The following PNLIPRP3 variants were observed in gnomAD, a reference collection of about 807,000 sequenced individuals.
PNLIPRP3 encodes pancreatic lipase-related protein 3.
In PNLIPRP3, 58 loss-of-function variants were observed where a neutral mutation model predicts 52.8. The observed-to-expected ratio is 1.10, with a 90% confidence interval of 0.89 to 1.37. The LOEUF (loss-of-function observed/expected upper bound fraction) is 1.37. Ranked by LOEUF, PNLIPRP3 falls within the 40% of genes most tolerant of loss-of-function variation. The pLI, the probability that PNLIPRP3 is intolerant of heterozygous loss-of-function variation, is 0.00. For synonymous variants in PNLIPRP3, 192 were observed against 185.0 expected, an observed-to-expected ratio of 1.04 and a Z score of -0.31; for missense variants, 593 against 561.6, an observed-to-expected ratio of 1.06 and a Z score of -0.57.
At chr10:116,439,940 C>G (rs1419942611) in intron 2 of PNLIPRP3, 1 of 867,232 alleles carries the variant, frequency 1.2e-6, no homozygotes, top group African/African-American at 1.6e-5. Flanking sequence ...GCAAAATTGA[C>G]AGGGACCTCT....
intron 1 of PNLIPRP3, 65 bp from the exon 2 acceptor site, chr10:116,436,646 G>T: frequency 2.8e-6 from 4 of 1,424,960 alleles, no homozygotes; most frequent in Non-Finnish European, 3.8e-6. Flanking sequence ...TTAACTCATA[G>T]TGAGAAACAC....
intron 4 of PNLIPRP3, among the ~76,000 whole-genome samples, chr10:116,450,276 A>G (rs1051937646): frequency 2.6e-5 from 4 of 152,154 alleles, no homozygotes; most frequent in Non-Finnish European, 4.4e-5. Context: ...ACATTATGAG[A>G]TTTATGCATG....
chr10:116,468,805 T>A (rs965085828), intron 8 of PNLIPRP3, among the ~76,000 whole-genome samples: 2 of 152,224 alleles, frequency 1.3e-5, no homozygotes, highest in African/African-American at 4.8e-5. Flanking sequence ...ATTCCCCTAT[T>A]ACACGTATTC....
intron 1 of PNLIPRP3, among the ~76,000 whole-genome samples, chr10:116,428,436 G>A (rs1845667297): frequency 6.6e-6 from 1 of 152,068 alleles, no homozygotes; most frequent in African/African-American, 2.4e-5. Context: ...TTTCTAAGAA[G>A]GGTACATAGT....
At chr10:116,448,489 A>G (rs532326682) in intron 4 of PNLIPRP3, among the ~76,000 whole-genome samples, 1 of 114,610 alleles carries the variant, frequency 8.7e-6, no homozygotes, top group Admixed American at 1.1e-4. Context: ...ACAAAGGAAG[A>G]CAACAAGAGA....
At chr10:116,460,928 C>T in intron 5 of PNLIPRP3, 38 bp from the exon 6 acceptor site, 2 of 1,601,736 alleles carry the variant, frequency 1.2e-6, no homozygotes, top group Middle Eastern at 1.7e-4. Flanking sequence ...TATTAATGTG[C>T]ACTTCCATAG....
intron 11 of PNLIPRP3, 103 bp from the exon 12 acceptor site, chr10:116,476,987 G>T: frequency 8.3e-7 from 1 of 1,204,304 alleles, no homozygotes; most frequent in Non-Finnish European, 1.2e-6. Flanking sequence ...GTGCAGAAGT[G>T]TTAGAAAATA....
intron 2 of PNLIPRP3, among the ~76,000 whole-genome samples, chr10:116,440,271 C>T (rs532633787): frequency 1.8e-4 from 28 of 152,152 alleles, no homozygotes; most frequent in African/African-American, 2.6e-4. Flanking sequence ...CTGTGGAGCA[C>T]GGTCAGTAAA....
intron 2 of PNLIPRP3, 120 bp downstream of exon 2, chr10:116,436,985 A>G: frequency 1.9e-6 from 2 of 1,045,956 alleles, no homozygotes; most frequent in South Asian, 2.5e-5. Context: ...AAATGCAAAC[A>G]TTTCTTTTCA....
At chr10:116,442,213 A>G (rs1213257214) in intron 2 of PNLIPRP3, among the ~76,000 whole-genome samples, 2 of 152,188 alleles carry the variant, frequency 1.3e-5, no homozygotes, top group Non-Finnish European at 2.9e-5. Context: ...AGTCTCCTAA[A>G]GTCTTTGAGA....
chr10:116,448,790 C>T (rs925220634), intron 4 of PNLIPRP3, among the ~76,000 whole-genome samples: 9 of 151,964 alleles, frequency 5.9e-5, no homozygotes, highest in East Asian at 1.9e-4. Context: ...CCGAGGCAGG[C>T]GGATCACTTG....
chr10:116,449,577 C>T (rs1262989132), intron 4 of PNLIPRP3, among the ~76,000 whole-genome samples: 1 of 152,012 alleles, frequency 6.6e-6, no homozygotes, highest in East Asian at 1.9e-4. Flanking sequence ...ACCAGAGTAC[C>T]TAAATATATA....
rs1239979458 is a variant in PNLIPRP3 at position 116,466,257 on chromosome 10, A to C, written c.927+89A>C. 3 of 962,256 alleles carry C rather than the reference A, an allele frequency of 3.1e-6. No individual in the cohort carries two copies. In the African/African-American group the frequency reaches 5.0e-5, roughly 16 times the overall value. The allele number at this position is 962,256 out of a possible 1,614,324, so 59.6% of individuals were successfully genotyped here. Reference sequence around the variant, plus strand: ...CTAAACATTAGGGCTTTGTGTAGGTAGCAAAAAAAATGCACCTGCCATTTT... The same window carrying C: ...CTAAACATTAGGGCTTTGTGTAGGTCGCAAAAAAAATGCACCTGCCATTTT... On this transcript the variant is annotated intron_variant, in intron 8 of 11. Coordinates refer to ENST00000369230, the MANE Select transcript of PNLIPRP3 (RefSeq NM_001011709.3).
At chr10:116,443,528 A>C (rs1845887256) in intron 3 of PNLIPRP3, among the ~76,000 whole-genome samples, 1 of 151,184 alleles carries the variant, frequency 6.6e-6, no homozygotes. Context: ...TGCTAACATC[A>C]TAAGCAGTTA....
chr10:116,467,253 G>C (rs67933372), intron 8 of PNLIPRP3, among the ~76,000 whole-genome samples: 10,708 of 152,220 alleles, frequency 0.07, 503 homozygotes, highest in East Asian at 0.25. Flanking sequence ...GTCAGAGCCA[G>C]CTGTGGCATG....
intron 4 of PNLIPRP3, 99 bp downstream of exon 4, chr10:116,444,612 C>T (rs947815309): frequency 8.3e-7 from 1 of 1,206,928 alleles, no homozygotes; most frequent in Non-Finnish European, 1.2e-6. Flanking sequence ...TTAGCTTAGA[C>T]AGGTACTGAA....
chr10:116,461,463 C>T (rs571942188), intron 7 of PNLIPRP3, among the ~76,000 whole-genome samples, 173 bp downstream of exon 7: 3 of 152,252 alleles, frequency 2.0e-5, no homozygotes, highest in South Asian at 2.1e-4. Flanking sequence ...GATCGGGTAC[C>T]GTGTCTTCAT....
At chr10:116,430,348 G>T (rs940567462) in intron 1 of PNLIPRP3, among the ~76,000 whole-genome samples, 5 of 152,196 alleles carry the variant, frequency 3.3e-5, no homozygotes, top group Non-Finnish European at 5.9e-5. Context: ...AGGAGTCTGG[G>T]AAAATGAAGG....
In PNLIPRP3 at chr10:116,471,962, G is replaced by T. The variant is rs1846380780; in HGVS notation, c.1172+83G>T. Reference sequence around the variant, plus strand: ...TGAGACTGGCTCAGTAAGCTGTTTAGTCTTCTCTTTTCCTACAATTCCACA... The same window carrying T: ...TGAGACTGGCTCAGTAAGCTGTTTATTCTTCTCTTTTCCTACAATTCCACA... On this transcript the variant is annotated intron_variant, in intron 10 of 11. Coordinates refer to ENST00000369230, the MANE Select transcript of PNLIPRP3 (RefSeq NM_001011709.3). 9.0e-6 allele frequency: 7 copies of T among 781,094 alleles called. No homozygotes were observed. In the South Asian group the frequency reaches 1.4e-4, roughly 15 times the overall value. The allele number at this position is 781,094 out of a possible 1,614,324, so 48.4% of individuals were successfully genotyped here.
Sources: gnomAD v4.1 joint callset for allele counts (sites outside exome capture counted in the v4.1 genomes callset) on GRCh38, gnomAD v4.1.1 for gene constraint, MANE v1.5 for transcripts, NCBI Gene and HGNC (gene_info 2026-07-23, HGNC 2026-07-21) for gene names.